GTF2F2: variants seen among roughly 807,000 people sequenced by gnomAD.
GTF2F2 encodes the protein general transcription factor IIF subunit 2.
GTF2F2 carries 23 observed loss-of-function variants against 42.2 expected under a neutral mutation model. The ratio of observed to expected loss-of-function variants is 0.55; its 90% CI spans 0.39 to 0.77. The LOEUF (loss-of-function observed/expected upper bound fraction) is 0.77. Among genes scored for constraint, GTF2F2 ranks in the 30% least tolerant of loss-of-function variants. The probability of loss-of-function intolerance (pLI) is 0.00; values close to 1 mark genes in which losing one functional copy is unlikely to be tolerated. For missense variants in GTF2F2, 261 were observed against 287.2 expected, an observed-to-expected ratio of 0.91 and a Z score of 0.66; for synonymous variants, 105 against 100.8, an observed-to-expected ratio of 1.04 and a Z score of -0.25.
chr13:45,170,756 T>G (rs948971919), intron 4 of GTF2F2, among the ~76,000 whole-genome samples: 1 of 152,082 alleles, frequency 6.6e-6, no homozygotes, highest in Admixed American at 6.6e-5. Flanking sequence ...CATCATGAGA[T>G]CAGAAGAATG....
rs112582034 is a variant in GTF2F2 at position 45,245,678 on chromosome 13, TATATATATATATATATATATATAC to T, written c.387-7187_387-7164del. 3.6e-4 allele frequency among the ~76,000 whole-genome samples: 38 copies of T among 106,288 alleles called. No individual in the cohort carries two copies. The South Asian group carries it at 5.7e-3, about 16-fold the overall frequency. The allele number at this position is 106,288 out of a possible 152,430, so 69.7% of individuals were successfully genotyped here. A position where few individuals can be genotyped will look rare whatever the true frequency, so the allele number is the denominator to read the frequency against. On this transcript the variant is annotated intron_variant, in intron 5 of 7. Transcript: ENST00000340473. ...ATTCCATGGTGTGAATATATATATATATATATATATATATATATATATACATATACATACACACACACACACACC... is the reference window on the plus strand; with the variant it reads ...ATTCCATGGTGTGAATATATATATATATATACATACACACACACACACACC...
rs561651950 is a variant in GTF2F2 at position 45,128,732 on chromosome 13, C to A, written c.67-8001C>A. Among the ~76,000 whole-genome samples, 1,390 of 152,100 alleles carry A rather than the reference C, an allele frequency of 9.1e-3. 7 individuals carry two copies. Among genetic ancestry groups the A allele is most frequent in the Non-Finnish European group, 0.014 (984 of 68,000 alleles). On this transcript the variant is annotated intron_variant, in intron 1 of 7. Transcript: ENST00000340473. ...CCTCAACCTCCCAAGTACCTTGGAT[C>A]ACAAGTGTGCACTAATATGCCTAGA...
chr13:45,167,070 T>A (rs964659524), intron 4 of GTF2F2, among the ~76,000 whole-genome samples: 1 of 151,616 alleles, frequency 6.6e-6, no homozygotes, highest in Non-Finnish European at 1.5e-5. Flanking sequence ...CTGCTCTGTT[T>A]AAAAAGAAAT....
At chr13:45,251,627 T>G (rs1190538875) in intron 5 of GTF2F2, among the ~76,000 whole-genome samples, 1 of 152,150 alleles carries the variant, frequency 6.6e-6, no homozygotes, top group African/African-American at 2.4e-5. Flanking sequence ...AAGGCAATTT[T>G]CTAACATCGT....
chr13:45,194,220 G>T (rs911837661), intron 4 of GTF2F2: 2 of 1,614,014 alleles, frequency 1.2e-6, no homozygotes, highest in African/African-American at 1.3e-5. Flanking sequence ...TGAGCTGAAA[G>T]AATTCTGCTT....
intron 5 of GTF2F2, among the ~76,000 whole-genome samples, chr13:45,229,615 G>C (rs545522927): frequency 1.9e-4 from 29 of 151,928 alleles, no homozygotes; most frequent in Admixed American, 3.9e-4. Context: ...CCAGTGTGAA[G>C]AAAAAAGGTA....
intron 7 of GTF2F2, among the ~76,000 whole-genome samples, chr13:45,273,196 G>C (rs1028876048): frequency 4.7e-5 from 7 of 150,332 alleles, no homozygotes; most frequent in African/African-American, 1.7e-4. Context: ...AAAGTGCTGG[G>C]ATTACAGGTG....
chr13:45,148,069 A>T (rs1002136162), intron 2 of GTF2F2, among the ~76,000 whole-genome samples: 5 of 152,220 alleles, frequency 3.3e-5, no homozygotes, highest in African/African-American at 7.2e-5. Flanking sequence ...CCATGTACGT[A>T]GCACAATGCA....
intron 6 of GTF2F2, among the ~76,000 whole-genome samples, chr13:45,253,517 CACAATTTTAAAA>C (rs1185191629): frequency 6.6e-6 from 1 of 152,142 alleles, no homozygotes; most frequent in East Asian, 1.9e-4. Context: ...CTCCCTTGTC[CACAATTTTAAAA>C]CTTTATGCAG....
chr13:45,255,963 A>G (rs906930484), intron 6 of GTF2F2, among the ~76,000 whole-genome samples: 3 of 152,308 alleles, frequency 2.0e-5, no homozygotes, highest in South Asian at 2.1e-4. Context: ...TTTTGTGTCT[A>G]GGAATTTATT....
intron 1 of GTF2F2, among the ~76,000 whole-genome samples, chr13:45,134,816 G>GT (rs1238569594): frequency 6.6e-6 from 1 of 152,182 alleles, no homozygotes; most frequent in Non-Finnish European, 1.5e-5. Context: ...GGCTTCTTGA[G>GT]TTATTTCAAC....
At chr13:45,217,255 G>A (rs917126386) in intron 5 of GTF2F2, among the ~76,000 whole-genome samples, 2 of 144,566 alleles carry the variant, frequency 1.4e-5, no homozygotes, top group South Asian at 2.2e-4. Context: ...CCGAGATCAC[G>A]CCGCCACGCT....
intron 6 of GTF2F2, among the ~76,000 whole-genome samples, chr13:45,264,513 G>T (rs534893124): frequency 4.0e-5 from 6 of 151,840 alleles, no homozygotes; most frequent in Non-Finnish European, 7.4e-5. Context: ...CAAATGATCC[G>T]CCCACTTTGT....
intron 5 of GTF2F2, among the ~76,000 whole-genome samples, chr13:45,216,277 A>G (rs576657553): frequency 6.6e-6 from 1 of 152,112 alleles, no homozygotes; most frequent in Non-Finnish European, 1.5e-5. Context: ...ATACATATAT[A>G]TGTATATTTC....
At chr13:45,197,424 G>A (rs1045304616) in intron 4 of GTF2F2, among the ~76,000 whole-genome samples, 1 of 150,250 alleles carries the variant, frequency 6.7e-6, no homozygotes, top group Non-Finnish European at 1.5e-5. Context: ...CAGGAGAATC[G>A]CCTGAGCCCG....
intron 2 of GTF2F2, among the ~76,000 whole-genome samples, chr13:45,141,542 T>C (rs1298504856): frequency 6.6e-6 from 1 of 152,148 alleles, no homozygotes; most frequent in African/African-American, 2.4e-5. Context: ...GATGTGTGTG[T>C]AGGGGTAGGG....
In GTF2F2 at chr13:45,191,224, AATATAT is replaced by A. The variant is rs1165963910; in HGVS notation, c.305-16174_305-16169del. Among the ~76,000 whole-genome samples, 58 of 75,314 alleles carry A rather than the reference AATATAT, an allele frequency of 7.7e-4. 2 individuals are homozygous for A. The highest frequency in any genetic ancestry group is 7.2e-3 in the Middle Eastern group (1 of 138). 49.4% of individuals were successfully genotyped at this position (75,314 alleles called of 152,430 possible). A position where few individuals can be genotyped will look rare whatever the true frequency, so the allele number is the denominator to read the frequency against. On this transcript the variant is annotated intron_variant, in intron 4 of 7. Coordinates refer to ENST00000340473, the MANE Select transcript of GTF2F2 (RefSeq NM_004128.3). ...GTCTCTACTAAAAATACAAAAAAAA[AATATAT>A]ATATATATATATATATATATATATA...
chr13:45,179,526 A>G (rs946841047), intron 4 of GTF2F2, among the ~76,000 whole-genome samples: 2 of 152,174 alleles, frequency 1.3e-5, no homozygotes, highest in African/African-American at 4.8e-5. Context: ...CCCTGAAGGT[A>G]TATAGTCCTT....
rs988155507 is a variant in GTF2F2 at position 45,120,565 on chromosome 13, G to A, written c.-91G>A. On this transcript the variant is annotated 5_prime_UTR_variant, in exon 1 of 8. Coordinates refer to ENST00000340473, the MANE Select transcript of GTF2F2 (RefSeq NM_004128.3). The stretch of plus-strand genomic sequence containing the variant: ...ACGCCGGCTCTTCGCCTCTCAGCGC[G>A]GCTTGTCCTTTGTTCCGGACGCCCG... The A allele has an allele frequency of 2.3e-6, 2 of 884,906 alleles. No homozygotes were observed. The highest frequency in any genetic ancestry group is 3.6e-6 in the Non-Finnish European group (2 of 548,412). 54.8% of individuals were successfully genotyped at this position (884,906 alleles called of 1,614,324 possible). A position where few individuals can be genotyped will look rare whatever the true frequency, so the allele number is the denominator to read the frequency against.
Sources: allele counts gnomAD v4.1 joint callset (sites outside exome capture counted in the v4.1 genomes callset), GRCh38; gene constraint gnomAD v4.1.1; transcripts MANE v1.5; gene names NCBI Gene and HGNC (gene_info 2026-07-23, HGNC 2026-07-21).